HOOK3: variants seen among roughly 807,000 people sequenced by gnomAD.
The protein encoded by HOOK3 is hook microtubule tethering protein 3.
In HOOK3, 24 loss-of-function variants were observed where a neutral mutation model predicts 116.3. The observed-to-expected ratio is 0.21, with a 90% CI of 0.15 to 0.29. The LOEUF is 0.29. Ranked by LOEUF, HOOK3 falls within the 10% of genes least tolerant of loss-of-function variation. HOOK3 has a pLI of 1.00. For synonymous variants in HOOK3, 275 were observed against 283.0 expected (o/e 0.97, Z 0.28); for missense variants, 632 against 830.2 (o/e 0.76, Z 2.93).
chr8:42,957,133 G>T lies in HOOK3; in HGVS notation c.508G>T (p.Ala170Ser). ...KESPVSAGNDAYVDLDRQLKK... is the reference protein window; with the variant it reads ...KESPVSAGNDSYVDLDRQLKK... ...ATCTCCTGTCTCTGCTGGAAATGAT[G>T]CCTATGTTGACCTTGATCGTCAGGT... Residue 170 changes from alanine to serine, a missense_variant, in exon 7 of 22, where the codon GCC becomes TCC. By Grantham distance (99) the Ala-to-Ser change is moderately conservative. Transcript: ENST00000307602. 6.3e-7 allele frequency: 1 copy of T among 1,594,396 alleles called. No homozygotes were observed. Among genetic ancestry groups the T allele is most frequent in the African/African-American group, 1.3e-5 (1 of 74,680 alleles).
chr8:42,966,483 G>A lies in HOOK3; in HGVS notation c.790G>A (p.Ala264Thr), dbSNP rs1473366420. 2 of 1,613,984 alleles carry A rather than the reference G, an allele frequency of 1.2e-6. No homozygotes were observed. The highest frequency in any genetic ancestry group is 2.7e-5 in the African/African-American group (2 of 74,912). Reference protein sequence around the residue: ...LQEETFRLEAAKDDYRIRCEE... With the variant: ...LQEETFRLEATKDDYRIRCEE... ...TTATATCGGTTACAGACTAGAAGCA[G>A]CCAAAGATGATTATCGAATACGTTG... Residue 264 changes from alanine (A) to threonine (T), a missense_variant, in exon 10 of 22, where the codon GCC becomes ACC. Around this residue, in one of 3 missense-constraint regions of HOOK3, gnomAD observed 483 missense variants for 648.1 expected, o/e 0.75. Transcript: ENST00000307602.
intron 15 of HOOK3, chr8:42,994,389 C>T (rs1349544771): frequency 5.3e-6 from 2 of 380,670 alleles, no homozygotes; most frequent in Admixed American, 7.1e-5. Flanking sequence ...CATTCAGTGG[C>T]ATCGTTAGGT....
chr8:42,982,694 C>A lies in HOOK3; in HGVS notation c.1389C>A (p.Ile463=), dbSNP rs377717857. ...SLAAEIVTPE[I]REKLIRLQHE... ...CTGCAGAGATTGTTACACCTGAAAT[C>A]AGGTAAGGAGATTGTGGTGTTCACA... The change falls in exon 14 of 22, where the codon ATC becomes ATA. Residue 463 remains isoleucine (I), a splice_region_variant and synonymous_variant. Coordinates refer to ENST00000307602, the MANE Select transcript of HOOK3 (RefSeq NM_032410.4). 1.2e-6 allele frequency: 2 copies of A among 1,606,836 alleles called. No individual in the cohort carries two copies. The highest frequency in any genetic ancestry group is 1.7e-6 in the Non-Finnish European group (2 of 1,173,630).
chr8:43,022,085 T>TAAAAA lies in HOOK3; in HGVS notation c.*3603_*3607dup, dbSNP rs35656895. On this transcript the variant is annotated 3_prime_UTR_variant, in exon 22 of 22. Transcript: ENST00000307602. ...TGTTTAAAAACAAAACAGGCTGTTG[T>TAAAAA]AAAAAAAAAAAAAAAAAAAACTTCT... The TAAAAA allele has an allele frequency of 0.02, 2,865 of 145,220 alleles. 91 individuals are homozygous for TAAAAA. The highest frequency in any genetic ancestry group is 0.082 in the African/African-American group (2,720 of 33,208). The allele number at this position is 145,220 out of a possible 1,614,324, so 9.0% of individuals were successfully genotyped here.
chr8:42,947,005 A>G (rs1459474332), intron 5 of HOOK3, among the ~76,000 whole-genome samples: 2 of 152,026 alleles, frequency 1.3e-5, no homozygotes, highest in Non-Finnish European at 2.9e-5. Flanking sequence ...TCCTGACCTC[A>G]TGATCCGCCT....
intron 4 of HOOK3, among the ~76,000 whole-genome samples, chr8:42,938,441 G>A (rs1808019937): frequency 6.6e-6 from 1 of 152,070 alleles, no homozygotes; most frequent in Non-Finnish European, 1.5e-5. Context: ...TCATTATGAT[G>A]CTAGTGGTTA....
chr8:42,927,374 G>A (rs113657909), intron 3 of HOOK3, among the ~76,000 whole-genome samples: 7,144 of 149,230 alleles, frequency 0.048, 341 homozygotes, highest in African/African-American at 0.12. Flanking sequence ...CTCCTGCCTC[G>A]GTCTCCCGAG....
rs371899708 is a variant in HOOK3, at chr8:42,974,178, G to A, written c.1305G>A (p.Gly435=). The A allele has an allele frequency of 6.2e-7, 1 of 1,613,114 alleles. No individual in the cohort carries two copies. Among genetic ancestry groups the A allele is most frequent in the Admixed American group, 1.7e-5 (1 of 60,020 alleles). The change falls in exon 13 of 22, where the codon GGG becomes GGA. Residue 435 remains glycine (G), a synonymous_variant. Transcript: ENST00000307602. ...EELRCVQAQE[G]QLTTQGLMPL... Reference sequence around the variant, plus strand: ...TTCGTTGTGTACAAGCTCAAGAAGGGCAGCTCACAACACAAGGTAAAAACG... The same window carrying A: ...TTCGTTGTGTACAAGCTCAAGAAGGACAGCTCACAACACAAGGTAAAAACG...
At chr8:42,956,294 G>A (rs556638156) in intron 6 of HOOK3, among the ~76,000 whole-genome samples, 3 of 137,436 alleles carry the variant, frequency 2.2e-5, no homozygotes, top group African/African-American at 5.4e-5. Context: ...AGTAATTTTC[G>A]CTAATACTGA....
intron 1 of HOOK3, among the ~76,000 whole-genome samples, chr8:42,899,063 C>G (rs1221228248): frequency 6.6e-6 from 1 of 152,064 alleles, no homozygotes; most frequent in Admixed American, 6.5e-5. Flanking sequence ...GTTGAAAAGT[C>G]TTAAGTTAAA....
intron 13 of HOOK3, among the ~76,000 whole-genome samples, chr8:42,977,959 A>G (rs1808860205): frequency 6.6e-6 from 1 of 152,200 alleles, no homozygotes; most frequent in African/African-American, 2.4e-5. Flanking sequence ...ACTGGTGTGT[A>G]CTATCATAAA....
In HOOK3 at chr8:42,968,079, C is replaced by A. The variant is rs1215096418; in HGVS notation, c.987C>A (p.Asp329Glu). Residue 329 changes from aspartate (D) to glutamate (E), a missense_variant, in exon 11 of 22, where the codon GAC becomes GAA. By Grantham distance (45) the Asp-to-Glu change is conservative. Coordinates refer to ENST00000307602, the MANE Select transcript of HOOK3 (RefSeq NM_032410.4). The part of the protein sequence containing the change: ...QVESYKKKLE[D>E]LGDLRRQVKL... ...AATCTTATAAAAAGAAGCTAGAAGA[C>A]CTTGGTGATTTAAGGCGGCAGGTTA... 2.5e-6 allele frequency: 4 copies of A among 1,609,134 alleles called. No individual in the cohort carries two copies. In the Admixed American group the frequency reaches 6.7e-5, roughly 27 times the overall value.
intron 2 of HOOK3, among the ~76,000 whole-genome samples, chr8:42,916,996 T>C (rs994683149): frequency 5.9e-5 from 9 of 152,196 alleles, no homozygotes; most frequent in Admixed American, 5.9e-4. Flanking sequence ...AAAAGACAGC[T>C]AGTTGGAAAT....
intron 2 of HOOK3, among the ~76,000 whole-genome samples, chr8:42,907,397 G>A (rs1807330366): frequency 6.6e-6 from 1 of 152,144 alleles, no homozygotes; most frequent in Admixed American, 6.5e-5. Flanking sequence ...AACTTAAAAT[G>A]CATGGTACAT....
intron 18 of HOOK3, among the ~76,000 whole-genome samples, chr8:43,008,251 C>G (rs183029105): frequency 1.2e-3 from 179 of 152,138 alleles, no homozygotes; most frequent in African/African-American, 4.2e-3. Context: ...ATCTCCTGAC[C>G]TCGTGATCTG....
intron 4 of HOOK3, among the ~76,000 whole-genome samples, chr8:42,931,597 A>G (rs959651151): frequency 6.7e-6 from 1 of 149,684 alleles, no homozygotes; most frequent in Non-Finnish European, 1.5e-5. Flanking sequence ...ATGCCCGGCT[A>G]ATTTTTTTGT....
chr8:42,915,460 T>C (rs1807513018), intron 2 of HOOK3, among the ~76,000 whole-genome samples: 3 of 152,180 alleles, frequency 2.0e-5, no homozygotes, highest in Admixed American at 2.0e-4. Context: ...AGACAGAGTC[T>C]TGCTCTTGTT....
intron 2 of HOOK3, among the ~76,000 whole-genome samples, chr8:42,909,660 T>C (rs770813439): frequency 6.6e-6 from 1 of 152,156 alleles, no homozygotes; most frequent in South Asian, 2.1e-4. Flanking sequence ...AGATGGGGTC[T>C]CACTGTGTGG....
chr8:42,967,544 T>G (rs1007523459), intron 10 of HOOK3, among the ~76,000 whole-genome samples: 11 of 152,156 alleles, frequency 7.2e-5, no homozygotes, highest in Non-Finnish European at 1.6e-4. Flanking sequence ...CTTTTGAATC[T>G]CTCTCCTTCA....
Sources: gnomAD v4.1 joint callset for allele counts (sites outside exome capture counted in the v4.1 genomes callset) on GRCh38, gnomAD v4.1.1 for gene constraint, gnomAD v4.1.1 regional missense constraint, MANE v1.5 for transcripts, NCBI Gene and HGNC (gene_info 2026-07-23, HGNC 2026-07-21) for gene names.